The following TRAPPC13 variants were observed in gnomAD, a reference collection of about 807,000 sequenced individuals.
TRAPPC13 encodes the protein REV7-interacting novel NHEJ regulator 1.
In TRAPPC13, 39 loss-of-function variants were observed where a neutral mutation model predicts 54.0. The ratio of observed to expected loss-of-function variants is 0.72; its 90% confidence interval spans 0.56 to 0.94. The LOEUF (loss-of-function observed/expected upper bound fraction) is 0.94, where lower values mean the gene tolerates loss of function less well. Ranked by LOEUF, TRAPPC13 falls within the 40% of genes least tolerant of loss-of-function variation. The pLI is 0.00. For synonymous variants in TRAPPC13, 148 were observed against 167.7 expected (o/e 0.88, Z 0.91); for missense variants, 386 against 488.1 (o/e 0.79, Z 1.97).
At chr5:65,643,352 G>GAT (rs368222821) in intron 4 of TRAPPC13, among the ~76,000 whole-genome samples, 34 of 150,838 alleles carry the variant, frequency 2.3e-4, no homozygotes, top group Admixed American at 9.9e-4. Flanking sequence ...TAAAGTTAGA[G>GAT]ATATATATAT....
intron 11 of TRAPPC13, chr5:65,664,029 C>G: frequency 1.9e-6 from 1 of 519,222 alleles, no homozygotes; most frequent in South Asian, 2.8e-5. Flanking sequence ...TAGTCTGAGG[C>G]TATTTTAAGT....
intron 10 of TRAPPC13, chr5:65,661,594 C>G (rs1756854597): frequency 6.5e-6 from 1 of 152,896 alleles, no homozygotes; most frequent in Non-Finnish European, 1.5e-5. Flanking sequence ...ATGGCCTGTT[C>G]CAAGCCTTCG....
intron 7 of TRAPPC13, 53 bp from the exon 8 acceptor site, chr5:65,655,583 C>T: frequency 1.6e-6 from 1 of 629,358 alleles, no homozygotes. Context: ...ATTCTTTTTT[C>T]TTTAACATTT....
At chr5:65,643,720 G>A (rs1756067745) in intron 4 of TRAPPC13, among the ~76,000 whole-genome samples, 1 of 151,644 alleles carries the variant, frequency 6.6e-6, no homozygotes, top group Non-Finnish European at 1.5e-5. Flanking sequence ...GGGAGGCTGA[G>A]GCAGAAGAAT....
intron 1 of TRAPPC13, among the ~76,000 whole-genome samples, chr5:65,634,751 T>C (rs897098556): frequency 6.8e-6 from 1 of 146,906 alleles, no homozygotes; most frequent in Non-Finnish European, 1.5e-5. Context: ...AAAAAAAAAA[T>C]AACCAGGCAT....
At chr5:65,643,817 AG>A (rs1756075413) in intron 4 of TRAPPC13, among the ~76,000 whole-genome samples, 1 of 116,208 alleles carries the variant, frequency 8.6e-6, no homozygotes. Flanking sequence ...ACTCCGTCTC[AG>A]AAAAAAAAAA....
At position 65,652,637 on chromosome 5, in the gene TRAPPC13, A is replaced by C. The variant is rs777864854; in HGVS notation, c.546+92A>C. On this transcript the variant is annotated intron_variant, in intron 7 of 12. Coordinates refer to ENST00000399438, the MANE Select transcript of TRAPPC13 (RefSeq NM_024941.4). Reference sequence around the variant, plus strand: ...TATATACATTTCTAATACTGAAGCAAATCGCCAACGTGACTGTAAATTATT... The same window carrying C: ...TATATACATTTCTAATACTGAAGCACATCGCCAACGTGACTGTAAATTATT... 4.4e-6 allele frequency: 4 copies of C among 911,350 alleles called. No homozygotes were observed. The Admixed American group carries it at 6.9e-5, about 16-fold the overall frequency. 56.5% of individuals were successfully genotyped at this position (911,350 alleles called of 1,614,324 possible). A position where few individuals can be genotyped will look rare whatever the true frequency, so the allele number is the denominator to read the frequency against.
chr5:65,640,767 A>G (rs1254378763), intron 4 of TRAPPC13, among the ~76,000 whole-genome samples: 2 of 152,192 alleles, frequency 1.3e-5, no homozygotes, highest in Non-Finnish European at 2.9e-5. Flanking sequence ...TGTCAGTACT[A>G]TAAAGATCAA....
chr5:65,639,471 GAAACATAA>G (rs1755885534), intron 4 of TRAPPC13, among the ~76,000 whole-genome samples: 1 of 152,126 alleles, frequency 6.6e-6, no homozygotes, highest in Non-Finnish European at 1.5e-5. Context: ...ACCAGCCTGG[GAAACATAA>G]CGAGACTCCC....
At chr5:65,629,492 A>G in intron 1 of TRAPPC13, 1 of 1,434,202 alleles carries the variant, frequency 7.0e-7, no homozygotes, top group South Asian at 1.5e-5. Context: ...TGATTTGGCA[A>G]GAGAGACAAT....
chr5:65,630,136 C>T lies in TRAPPC13; in HGVS notation c.46+5030C>T, dbSNP rs969068566. On this transcript the variant is annotated intron_variant, in intron 1 of 12. Transcript: ENST00000399438. ...TTTGTAACAGCCAAACTCTGGAAGA[C>T]ATTTGGACAAAACTCAATCAAATTA... is the stretch of plus-strand genomic sequence containing the variant. 8 of 1,536,034 alleles carry T rather than the reference C, an allele frequency of 5.2e-6. No individual in the cohort carries two copies. In the East Asian group the frequency reaches 2.0e-4, roughly 38 times the overall value.
At chr5:65,627,259 A>G (rs1581202870) in intron 1 of TRAPPC13, among the ~76,000 whole-genome samples, 1 of 151,950 alleles carries the variant, frequency 6.6e-6, no homozygotes, top group Admixed American at 6.6e-5. Flanking sequence ...CCATTGTTCT[A>G]GTTAATCAAC....
At chr5:65,637,541 G>A (rs1755795140) in intron 3 of TRAPPC13, among the ~76,000 whole-genome samples, 155 bp from the exon 4 acceptor site, 1 of 151,230 alleles carries the variant, frequency 6.6e-6, no homozygotes, top group African/African-American at 2.4e-5. Context: ...TGAGGCAGGA[G>A]AATGGGGTGA....
intron 4 of TRAPPC13, among the ~76,000 whole-genome samples, chr5:65,640,303 A>C (rs1755915102): frequency 6.6e-6 from 1 of 152,224 alleles, no homozygotes; most frequent in Non-Finnish European, 1.5e-5. Flanking sequence ...TTTGGGAGCC[A>C]AGGCAGGAAG....
At chr5:65,644,797 C>T (rs925117531) in intron 4 of TRAPPC13, among the ~76,000 whole-genome samples, 1 of 151,070 alleles carries the variant, frequency 6.6e-6, no homozygotes, top group South Asian at 2.1e-4. Context: ...AGGACAATCA[C>T]TTGAATCTGG....
intron 2 of TRAPPC13, 137 bp downstream of exon 2, chr5:65,635,506 C>T: frequency 1.4e-6 from 1 of 707,486 alleles, no homozygotes; most frequent in Non-Finnish European, 2.4e-6. Context: ...ATTTTTGTAT[C>T]ATGTGAAAGG....
chr5:65,628,168 C>T (rs1755337775), intron 1 of TRAPPC13, among the ~76,000 whole-genome samples: 1 of 152,156 alleles, frequency 6.6e-6, no homozygotes, highest in African/African-American at 2.4e-5. Context: ...AATTTATTAT[C>T]AGTGACTTAA....
At position 65,637,858 on chromosome 5, in the gene TRAPPC13, C is replaced by T. The variant is rs1230905734; in HGVS notation, c.300+78C>T. ...TTTAGGCCGGGCATGGTGGCTCATGCCTGTAATCCTAGCACTTTAGGAGGC... is the reference window on the plus strand; with the variant it reads ...TTTAGGCCGGGCATGGTGGCTCATGTCTGTAATCCTAGCACTTTAGGAGGC... On this transcript the variant is annotated intron_variant, in intron 4 of 12. Coordinates refer to ENST00000399438, the MANE Select transcript of TRAPPC13 (RefSeq NM_024941.4). 10 of 727,512 alleles carry T rather than the reference C, an allele frequency of 1.4e-5. No homozygotes were observed. The African/African-American group carries it at 1.9e-4, about 13-fold the overall frequency. 45.1% of individuals were successfully genotyped at this position (727,512 alleles called of 1,614,324 possible). A position where few individuals can be genotyped will look rare whatever the true frequency, so the allele number is the denominator to read the frequency against.
chr5:65,629,708 T>C (rs1158144659), intron 1 of TRAPPC13: 8 of 1,535,964 alleles, frequency 5.2e-6, no homozygotes, highest in South Asian at 1.2e-5. Context: ...ATTTATACCT[T>C]GGTTTCCATA....
Sources: gnomAD v4.1 joint callset for allele counts (sites outside exome capture counted in the v4.1 genomes callset) on GRCh38, gnomAD v4.1.1 for gene constraint, MANE v1.5 for transcripts, NCBI Gene and HGNC (gene_info 2026-07-23, HGNC 2026-07-21) for gene names.